HERC1: variants seen among roughly 807,000 people sequenced by gnomAD.
HERC1 encodes the protein HECT and RLD domain containing E3 ubiquitin protein ligase family member 1, also known as probable E3 ubiquitin-protein ligase HERC1.
A neutral mutation model predicts 554.3 loss-of-function variants in HERC1; 160 were observed. The observed-to-expected ratio is 0.29, with a 90% CI of 0.25 to 0.33. HERC1 has a LOEUF of 0.33. Among genes scored for constraint, HERC1 ranks in the 10% least tolerant of loss-of-function variants. The pLI, the probability that HERC1 is intolerant of heterozygous loss-of-function variation, is 1.00. For synonymous variants in HERC1, 2,175 were observed against 2,131.7 expected (o/e 1.02, Z -0.56); for missense variants, 4,919 against 5,918.5 (o/e 0.83, Z 5.54).
chr15:63,763,176 C>A (rs1441364941), intron 3 of HERC1, among the ~76,000 whole-genome samples: 3 of 152,136 alleles, frequency 2.0e-5, no homozygotes, highest in African/African-American at 7.2e-5. Context: ...GACTTTGTCA[C>A]CCCCACGACC....
intron 1 of HERC1, among the ~76,000 whole-genome samples, chr15:63,795,156 T>C (rs1442647266): frequency 6.6e-6 from 1 of 151,430 alleles, no homozygotes; most frequent in Non-Finnish European, 1.5e-5. Flanking sequence ...CATTTTTAAA[T>C]GTATCAATAC....
At chr15:63,673,506 T>C (rs6494425) in intron 38 of HERC1, among the ~76,000 whole-genome samples, 123,864 of 152,128 alleles carry the variant, frequency 0.81, 52,294 homozygotes, top group Non-Finnish European at 0.88. Flanking sequence ...TTAACTGCTG[T>C]CTCTCCAGAA....
chr15:63,610,132 TAA>T (rs1020082874), intron 77 of HERC1, among the ~76,000 whole-genome samples: 16 of 141,632 alleles, frequency 1.1e-4, no homozygotes, highest in African/African-American at 1.0e-4. Context: ...AACGTTTGCT[TAA>T]AAAAAAAAAA....
At chr15:63,794,133 C>A (rs2076737213) in intron 1 of HERC1, among the ~76,000 whole-genome samples, 1 of 152,156 alleles carries the variant, frequency 6.6e-6, no homozygotes, top group South Asian at 2.1e-4. Flanking sequence ...GAATAATCCA[C>A]CCCTTGTTTA....
intron 2 of HERC1, among the ~76,000 whole-genome samples, chr15:63,770,163 C>T (rs2075906645): frequency 6.6e-6 from 1 of 152,146 alleles, no homozygotes; most frequent in Non-Finnish European, 1.5e-5. Context: ...GCTCTCCCCA[C>T]AACTCAATCG....
intron 1 of HERC1, among the ~76,000 whole-genome samples, chr15:63,807,240 G>C (rs1031674992): frequency 7.9e-5 from 12 of 152,196 alleles, no homozygotes; most frequent in African/African-American, 2.7e-4. Flanking sequence ...CACCCTGTGA[G>C]GCTGTCCTCT....
In HERC1 at chr15:63,612,220, A is replaced by T. The variant is rs199937922; in HGVS notation, c.14400+31T>A. 3 of 1,543,772 alleles carry T rather than the reference A, an allele frequency of 1.9e-6. No individual in the cohort carries two copies. The highest frequency in any genetic ancestry group is 2.6e-6 in the Non-Finnish European group (3 of 1,136,648). On this transcript the variant is annotated intron_variant, in intron 77 of 77. Coordinates refer to ENST00000443617, the MANE Select transcript of HERC1 (RefSeq NM_003922.4). This position sits in a 1 kb window ranked among gnomAD's most constrained non-coding sequence, Gnocchi z 5.0. ...ACAACAATGAAGCAATAAGGCAGAC[A>T]TTACAAAGGAAAAAAGAATAGCTTA...
intron 24 of HERC1, among the ~76,000 whole-genome samples, chr15:63,707,109 C>A (rs1394850791): frequency 6.6e-6 from 1 of 152,214 alleles, no homozygotes; most frequent in African/African-American, 2.4e-5. Context: ...CCATTGGAAT[C>A]TTTGTCTTTT....
In HERC1 at chr15:63,721,497, G is replaced by C. The variant is rs537353999; in HGVS notation, c.3742+1685C>G. Reference sequence around the variant, plus strand: ...GCTGGGATCACGCCACTGCACTCCAGCCTGGACGATAAGAGGAGACTCTGT... The same window carrying C: ...GCTGGGATCACGCCACTGCACTCCACCCTGGACGATAAGAGGAGACTCTGT... On this transcript the variant is annotated intron_variant, in intron 19 of 77. Transcript: ENST00000443617. Among the ~76,000 whole-genome samples, 58 of 152,188 alleles carry C rather than the reference G, an allele frequency of 3.8e-4. No homozygotes were observed. In the South Asian group the frequency reaches 0.012, roughly 32 times the overall value.
intron 67 of HERC1, 80 bp from the exon 68 acceptor site, chr15:63,632,891 G>A: frequency 1.1e-6 from 1 of 908,730 alleles, no homozygotes; most frequent in East Asian, 2.6e-5. Flanking sequence ...CATGTATCAA[G>A]AACTACCTTC....
chr15:63,821,087 G>C (rs2077673500), intron 1 of HERC1, among the ~76,000 whole-genome samples: 1 of 152,148 alleles, frequency 6.6e-6, no homozygotes. Context: ...AGAATTCACA[G>C]CATTGTTTAA....
chr15:63,718,841 C>T lies in HERC1; in HGVS notation c.3799G>A (p.Val1267Ile). ...GTGTGTTTCAGAAGAGCTGCAAGAACAAATCTAGACACAGTGTCCAAGAGT... is the reference window on the plus strand; with the variant it reads ...GTGTGTTTCAGAAGAGCTGCAAGAATAAATCTAGACACAGTGTCCAAGAGT... ...ESLLDTVSRF[V>I]LAALLKHTNL... Residue 1267 changes from valine (V) to isoleucine (I), a missense_variant, in exon 20 of 78, where the codon GTT becomes ATT. By Grantham distance (29) the Val-to-Ile change is conservative. Around this residue, in one of 11 missense-constraint regions of HERC1, gnomAD observed 1,121 missense variants for 1,244.0 expected, o/e 0.90. Transcript: ENST00000443617. This position sits in a 1 kb window ranked among gnomAD's most constrained non-coding sequence, Gnocchi z 4.2. 1.2e-6 allele frequency: 2 copies of T among 1,613,702 alleles called. No homozygotes were observed. Among genetic ancestry groups the T allele is most frequent in the Non-Finnish European group, 1.7e-6 (2 of 1,179,686 alleles).
At chr15:63,628,211 C>T (rs1022773509) in intron 70 of HERC1, among the ~76,000 whole-genome samples, 6 of 152,034 alleles carry the variant, frequency 3.9e-5, no homozygotes, top group South Asian at 2.1e-4. Flanking sequence ...GCCAACATGG[C>T]GAAACCCCGT....
In HERC1 at chr15:63,640,200, G is replaced by A. The variant is rs375981726; in HGVS notation, c.11853C>T (p.Thr3951=). ...CTGGAACAGGTTCTAGATCTGGAAC[G>A]GTAAAAGATTCTGGAAACTGGGCTC... The part of the protein sequence containing the change: ...TNGAQFPESF[T]VPDLEPVPED... The change falls in exon 61 of 78, where the codon ACC becomes ACT. Residue 3951 remains threonine, a synonymous_variant. Transcript: ENST00000443617. 34 of 1,613,876 alleles carry A rather than the reference G, an allele frequency of 2.1e-5. No individual in the cohort carries two copies. Among genetic ancestry groups the A allele is most frequent in the South Asian group, 1.8e-4 (16 of 91,076 alleles).
chr15:63,658,386 G>A lies in HERC1; in HGVS notation c.9599+158C>T, dbSNP rs1001283722. ...AGAGCCAAGTATTAACTGAATGACCGATTGAGTGAATAACAATGACTACGT... is the reference window on the plus strand; with the variant it reads ...AGAGCCAAGTATTAACTGAATGACCAATTGAGTGAATAACAATGACTACGT... On this transcript the variant is annotated intron_variant, in intron 48 of 77. Coordinates refer to ENST00000443617, the MANE Select transcript of HERC1 (RefSeq NM_003922.4). Among the ~76,000 whole-genome samples the A allele has an allele frequency of 5.3e-5, 8 of 152,204 alleles. No homozygotes were observed. In the East Asian group the frequency reaches 1.2e-3, roughly 22 times the overall value.
intron 1 of HERC1, among the ~76,000 whole-genome samples, chr15:63,781,878 T>C (rs944258894): frequency 3.9e-5 from 6 of 152,178 alleles, no homozygotes; most frequent in African/African-American, 1.2e-4. Context: ...TTTCCTGATA[T>C]GGGGAAAGTC....
At chr15:63,751,892 A>T (rs1308422327) in intron 8 of HERC1, among the ~76,000 whole-genome samples, 1 of 152,002 alleles carries the variant, frequency 6.6e-6, no homozygotes, top group Non-Finnish European at 1.5e-5. Flanking sequence ...AGTATTGGAT[A>T]ATCTATAGAA....
At chr15:63,769,272 A>G (rs898331854) in intron 2 of HERC1, among the ~76,000 whole-genome samples, 1 of 151,786 alleles carries the variant, frequency 6.6e-6, no homozygotes, top group African/African-American at 2.4e-5. Context: ...TACAAAAATC[A>G]GCCAGGTGTG....
intron 1 of HERC1, among the ~76,000 whole-genome samples, chr15:63,804,224 A>T (rs1363051468): frequency 1.3e-5 from 2 of 152,340 alleles, no homozygotes; most frequent in Non-Finnish European, 2.9e-5. Context: ...CCTGGGTAAG[A>T]TTTCTTAAAT....
Sources: gnomAD v4.1 joint callset for allele counts (sites outside exome capture counted in the v4.1 genomes callset) on GRCh38, gnomAD v4.1.1 for gene constraint, gnomAD v4.1.1 regional missense constraint, Gnocchi (gnomAD v3.1) non-coding constraint, MANE v1.5 for transcripts, NCBI Gene and HGNC (gene_info 2026-07-23, HGNC 2026-07-21) for gene names.